Variants in NETO1 observed in about 807,000 individuals in gnomAD.
The protein encoded by NETO1 is neuropilin and tolloid like 1.
A neutral mutation model predicts 61.3 loss-of-function variants in NETO1; 26 were observed. The ratio of observed to expected loss-of-function variants is 0.42; its 90% CI spans 0.31 to 0.59. The LOEUF (loss-of-function observed/expected upper bound fraction) is 0.59. Ranked by LOEUF, NETO1 falls within the 20% of genes least tolerant of loss-of-function variation. The probability of loss-of-function intolerance (pLI) is 0.12; values close to 1 mark genes in which losing one functional copy is unlikely to be tolerated. For missense variants in NETO1, 531 were observed against 662.8 expected (o/e 0.80, Z 2.18); for synonymous variants, 225 against 225.8 (o/e 1.00, Z 0.03).
intron 7 of NETO1, among the ~76,000 whole-genome samples, chr18:72,771,530 A>C (rs2071351068): frequency 6.6e-6 from 1 of 152,142 alleles, no homozygotes; most frequent in East Asian, 1.9e-4. Context: ...CCATGCCTGG[A>C]AAGTTTAATG....
At chr18:72,860,390 A>C (rs1161331939) in intron 3 of NETO1, among the ~76,000 whole-genome samples, 1 of 152,196 alleles carries the variant, frequency 6.6e-6, no homozygotes, top group African/African-American at 2.4e-5. Flanking sequence ...ATCCATGATG[A>C]CCTAAAATGT....
intron 7 of NETO1, among the ~76,000 whole-genome samples, chr18:72,782,551 T>A (rs1182554941): frequency 6.6e-6 from 1 of 152,176 alleles, no homozygotes; most frequent in Non-Finnish European, 1.5e-5. Flanking sequence ...ATGCCTCTAA[T>A]CCCAGCACTT....
chr18:72,807,986 C>A (rs776112430), intron 4 of NETO1, among the ~76,000 whole-genome samples: 1 of 150,846 alleles, frequency 6.6e-6, no homozygotes, highest in East Asian at 1.9e-4. Flanking sequence ...ATCTCCTGAG[C>A]CATCTTTTTC....
intron 7 of NETO1, among the ~76,000 whole-genome samples, chr18:72,775,385 A>G (rs1472418289): frequency 6.6e-6 from 1 of 152,188 alleles, no homozygotes; most frequent in Non-Finnish European, 1.5e-5. Context: ...TCCTTTTCCT[A>G]TAATTTATTC....
intron 7 of NETO1, among the ~76,000 whole-genome samples, chr18:72,762,071 T>C (rs2145134913): frequency 6.6e-6 from 1 of 152,272 alleles, no homozygotes; most frequent in African/African-American, 2.4e-5. Context: ...TGTCCAGAAA[T>C]CATTATAGTG....
chr18:72,798,009 C>T (rs2072376261), intron 4 of NETO1, among the ~76,000 whole-genome samples: 1 of 152,216 alleles, frequency 6.6e-6, no homozygotes, highest in African/African-American at 2.4e-5. Flanking sequence ...CATGTTATTA[C>T]AATTACAATT....
chr18:72,855,351 A>C (rs1050731030), intron 4 of NETO1, among the ~76,000 whole-genome samples: 4 of 152,196 alleles, frequency 2.6e-5, no homozygotes, highest in African/African-American at 7.2e-5. Context: ...ATTACTGCTC[A>C]ATCTCACAAT....
chr18:72,772,785 C>T (rs1555684164), intron 7 of NETO1, among the ~76,000 whole-genome samples: 1 of 91,044 alleles, frequency 1.1e-5, no homozygotes, highest in South Asian at 4.4e-4. Flanking sequence ...ATACAGATCT[C>T]TATATAGTTC....
At chr18:72,755,187 T>C (rs183076184) in intron 8 of NETO1, among the ~76,000 whole-genome samples, 4 of 152,310 alleles carry the variant, frequency 2.6e-5, no homozygotes, top group Admixed American at 2.6e-4. Flanking sequence ...TAAGATCACT[T>C]AGTAAATTTC....
At chr18:72,817,938 A>G (rs1219836645) in intron 4 of NETO1, among the ~76,000 whole-genome samples, 1 of 152,208 alleles carries the variant, frequency 6.6e-6, no homozygotes, top group Admixed American at 6.5e-5. Context: ...GCCAGTGAGC[A>G]CTGAAGCCTG....
intron 7 of NETO1, among the ~76,000 whole-genome samples, chr18:72,783,298 TA>T: frequency 6.6e-6 from 1 of 152,318 alleles, no homozygotes; most frequent in African/African-American, 2.4e-5. Flanking sequence ...AGAAGCTTAC[TA>T]AAAAGAACCT....
intron 4 of NETO1, among the ~76,000 whole-genome samples, chr18:72,857,446 C>T (rs2074440947): frequency 6.6e-6 from 1 of 152,208 alleles, no homozygotes; most frequent in Non-Finnish European, 1.5e-5. Flanking sequence ...CAAAGCATGA[C>T]AGCTGACACT....
At chr18:72,825,103 TATGATGTTATAAC>T (rs1239764759) in intron 4 of NETO1, among the ~76,000 whole-genome samples, 1 of 152,104 alleles carries the variant, frequency 6.6e-6, no homozygotes, top group East Asian at 1.9e-4. Flanking sequence ...CAATTTAGGA[TATGATGTTATAAC>T]ATGATTAGCA....
At chr18:72,753,157 C>A (rs2070678280) in intron 8 of NETO1, among the ~76,000 whole-genome samples, 2 of 151,896 alleles carry the variant, frequency 1.3e-5, no homozygotes, top group African/African-American at 4.8e-5. Context: ...AAACTCACAT[C>A]CAAGTTCAAC....
At chr18:72,794,004 T>C in intron 6 of NETO1, 113 bp downstream of exon 6, 1 of 1,368,266 alleles carries the variant, frequency 7.3e-7, no homozygotes, top group Non-Finnish European at 1.0e-6. Context: ...ATCATAGCCT[T>C]TGATGGCTGC....
chr18:72,750,627 G>A lies in NETO1; in HGVS notation c.983-7C>T, dbSNP rs1311692171. 2 of 1,577,640 alleles carry A rather than the reference G, an allele frequency of 1.3e-6. No individual in the cohort carries two copies. Among genetic ancestry groups the A allele is most frequent in the South Asian group, 2.3e-5 (2 of 88,822 alleles). On this transcript the variant is annotated splice_polypyrimidine_tract_variant and splice_region_variant and intron_variant, in intron 8 of 10. Transcript: ENST00000327305. ...AGGCTGGTTTTCCTCTTCTCTATAG[G>A]TTGGAGAGAGTGAAAACAACAAACG...
Position 72,745,046 on chromosome 18 carries a change from A to G in NETO1, c.*3133T>C, listed in dbSNP as rs1020246974. The stretch of plus-strand genomic sequence containing the variant: ...TTATGGAGTCATCAGACTCACGGAA[A>G]TACTTCTAGAGCAAAAGTAAATGTG... On this transcript the variant is annotated 3_prime_UTR_variant, in exon 11 of 11. Coordinates refer to ENST00000327305, the MANE Select transcript of NETO1 (RefSeq NM_138966.5). 6 of 152,222 alleles carry G rather than the reference A, an allele frequency of 3.9e-5. No homozygotes were observed. Among genetic ancestry groups the G allele is most frequent in the African/African-American group, 4.8e-5 (2 of 41,468 alleles). The allele number at this position is 152,222 out of a possible 1,614,324, so 9.4% of individuals were successfully genotyped here. A position where few individuals can be genotyped will look rare whatever the true frequency, so the allele number is the denominator to read the frequency against.
At chr18:72,809,348 C>T (rs960220812) in intron 4 of NETO1, among the ~76,000 whole-genome samples, 2 of 151,960 alleles carry the variant, frequency 1.3e-5, no homozygotes, top group Admixed American at 6.6e-5. Context: ...AAAAAGCCAC[C>T]GACGAGGAAA....
chr18:72,842,036 T>G (rs2073949891), intron 4 of NETO1, among the ~76,000 whole-genome samples: 1 of 144,968 alleles, frequency 6.9e-6, no homozygotes. Context: ...ATAAATAAAA[T>G]GTATACAGAA....
Sources: allele counts gnomAD v4.1 joint callset (sites outside exome capture counted in the v4.1 genomes callset), GRCh38; gene constraint gnomAD v4.1.1; transcripts MANE v1.5; gene names NCBI Gene and HGNC (gene_info 2026-07-23, HGNC 2026-07-21).